Variants in IFT140 observed in about 807,000 individuals in gnomAD.
The protein encoded by IFT140 is intraflagellar transport 140, also known as intraflagellar transport protein 140 homolog.
Under a neutral mutation model 164.6 loss-of-function variants are expected in IFT140, and 133 were observed. That is an observed-to-expected ratio of 0.81 (90% CI 0.70 to 0.93). IFT140 has a LOEUF of 0.93. Ranked by LOEUF, IFT140 falls within the 40% of genes least tolerant of loss-of-function variation. The pLI is 0.00. For missense variants in IFT140, 2,045 were observed against 1,972.3 expected (o/e 1.04, Z -0.70); for synonymous variants, 860 against 817.3 (o/e 1.05, Z -0.89).
chr16:1,513,195 T>C (rs376034264), intron 30 of IFT140: 16 of 152,306 alleles, frequency 1.1e-4, no homozygotes, highest in African/African-American at 3.9e-4. Context: ...AACAGAATTA[T>C]GGTTGAAAAA....
intron 19 of IFT140, among the ~76,000 whole-genome samples, chr16:1,547,634 T>A (rs1316245882): frequency 6.6e-6 from 1 of 152,158 alleles, no homozygotes; most frequent in Non-Finnish European, 1.5e-5. Flanking sequence ...CCTCCCAGGT[T>A]CAAGTGATTC....
At position 1,543,688 on chromosome 16, in the gene IFT140, C is replaced by A. The variant is rs542408314; in HGVS notation, c.2399+14247G>T. Among the ~76,000 whole-genome samples, 14 of 152,336 alleles carry A rather than the reference C, an allele frequency of 9.2e-5. No homozygotes were observed. The South Asian group carries it at 2.9e-3, about 32-fold the overall frequency. Reference sequence around the variant, plus strand: ...AGGGATGTGGGACCTAGGACTGACTCCGCCTCCTCCCCTCCTGCATGACTG... The same window carrying A: ...AGGGATGTGGGACCTAGGACTGACTACGCCTCCTCCCCTCCTGCATGACTG... On this transcript the variant is annotated intron_variant, in intron 19 of 30. Coordinates refer to ENST00000426508, the MANE Select transcript of IFT140 (RefSeq NM_014714.4).
rs557628115 is a variant in IFT140, at chr16:1,526,903, C to T, written c.2400-107G>A. 92 of 1,279,426 alleles carry T rather than the reference C, an allele frequency of 7.2e-5. No individual in the cohort carries two copies. The Admixed American group carries it at 1.3e-3, about 18-fold the overall frequency. The allele number at this position is 1,279,426 out of a possible 1,614,324, so 79.3% of individuals were successfully genotyped here. A position where few individuals can be genotyped will look rare whatever the true frequency, so the allele number is the denominator to read the frequency against. ...GTAGTCATCAGGCACAGCTGCCAAA[C>T]GGGCATGAGGAGGGGCCTTCACCCA... On this transcript the variant is annotated intron_variant, in intron 19 of 30. Transcript: ENST00000426508.
rs1481369531 is a variant in IFT140, at chr16:1,611,989, C to G, written c.-243G>C. ...TAACTGCCTCAGACGTGCTTCCACACTTCTCAGAACTCAGGTTCGCGCCCG... is the reference window on the plus strand; with the variant it reads ...TAACTGCCTCAGACGTGCTTCCACAGTTCTCAGAACTCAGGTTCGCGCCCG... On this transcript the variant is annotated 5_prime_UTR_variant, in exon 1 of 31. Coordinates refer to ENST00000426508, the MANE Select transcript of IFT140 (RefSeq NM_014714.4). 6.6e-6 allele frequency: 1 copy of G among 152,226 alleles called. No homozygotes were observed. Among genetic ancestry groups the G allele is most frequent in the Non-Finnish European group, 1.5e-5 (1 of 68,056 alleles). The allele number at this position is 152,226 out of a possible 1,614,324, so 9.4% of individuals were successfully genotyped here. A position where few individuals can be genotyped will look rare whatever the true frequency, so the allele number is the denominator to read the frequency against.
At chr16:1,595,711 A>G (rs1433544922) in intron 4 of IFT140, among the ~76,000 whole-genome samples, 1 of 152,188 alleles carries the variant, frequency 6.6e-6, no homozygotes, top group Non-Finnish European at 1.5e-5. Context: ...AATAGTGTAT[A>G]TTATCATATG....
intron 19 of IFT140, chr16:1,534,588 G>C: frequency 6.3e-7 from 1 of 1,598,612 alleles, no homozygotes; most frequent in Non-Finnish European, 8.5e-7. Context: ...TGCCTTCAGC[G>C]TGGCCGAGGC....
chr16:1,511,739 G>A (rs959621957), intron 30 of IFT140, among the ~76,000 whole-genome samples: 4 of 152,052 alleles, frequency 2.6e-5, no homozygotes, highest in Admixed American at 1.3e-4. Context: ...TCAAACGAGA[G>A]GCTGAGGGCA....
Position 1,561,996 on chromosome 16 carries a change from A to C in IFT140, c.2188T>G (p.Phe730Val), listed in dbSNP as rs1417488996. 1.6e-5 allele frequency: 25 copies of C among 1,601,634 alleles called. No individual in the cohort carries two copies. The highest frequency in any genetic ancestry group is 2.0e-5 in the Non-Finnish European group (24 of 1,174,946). Residue 730 changes from phenylalanine to valine, a missense_variant, in exon 18 of 31, where the codon TTC becomes GTC. Phe to Val is a conservative substitution (Grantham distance 50, BLOSUM62 -1). Coordinates refer to ENST00000426508, the MANE Select transcript of IFT140 (RefSeq NM_014714.4). ...TCGTGGCTTCGTACCTTTCTTGTGA[A>C]GTAGTAATAAGGCACTTCCATCCCC... ...LLGMEVPYYY[F>V]TRKPEEADRE... is the part of the protein sequence containing the mutation.
rs555330165 is a variant in IFT140, at chr16:1,520,682, G to C, written c.3580C>G (p.Gln1194Glu). ...PEESRRELLE[Q>E]IADCCMRQGS... is the part of the protein sequence containing the mutation. Reference sequence around the variant, plus strand: ...TGGCGCATGCAGCAGTCTGCTATCTGCTCCAGCAGCTCCCGCCGCGACTCC... The same window carrying C: ...TGGCGCATGCAGCAGTCTGCTATCTCCTCCAGCAGCTCCCGCCGCGACTCC... The change falls in exon 27 of 31, where the codon CAG (glutamine) becomes GAG (glutamate). Residue 1194 changes from glutamine to glutamate, a missense_variant. Gln to Glu is a conservative substitution (Grantham distance 29, BLOSUM62 2). Coordinates refer to ENST00000426508, the MANE Select transcript of IFT140 (RefSeq NM_014714.4). 38 of 1,608,276 alleles carry C rather than the reference G, an allele frequency of 2.4e-5. No individual in the cohort carries two copies. In the East Asian group the frequency reaches 8.3e-4, roughly 35 times the overall value.
At chr16:1,576,837 G>C (rs2034304420) in intron 13 of IFT140, 1 of 152,204 alleles carries the variant, frequency 6.6e-6, no homozygotes, top group African/African-American at 2.4e-5. Context: ...GATGCGATCT[G>C]CAATCATAAC....
chr16:1,535,869 C>T (rs1432729907), intron 19 of IFT140, among the ~76,000 whole-genome samples: 4 of 152,244 alleles, frequency 2.6e-5, no homozygotes, highest in Admixed American at 1.3e-4. Context: ...AAGCTTCCAC[C>T]GGCTCTCAGA....
intron 19 of IFT140, among the ~76,000 whole-genome samples, chr16:1,534,817 A>G (rs2141241152): frequency 6.6e-6 from 1 of 151,794 alleles, no homozygotes; most frequent in South Asian, 2.1e-4. Flanking sequence ...ACAGGAATTC[A>G]TCTCAGGCAT....
At chr16:1,595,750 C>T (rs573989043) in intron 4 of IFT140, among the ~76,000 whole-genome samples, 2 of 152,108 alleles carry the variant, frequency 1.3e-5, no homozygotes, top group African/African-American at 4.8e-5. Flanking sequence ...TTGATGAAGA[C>T]AAAAATAAAA....
At chr16:1,559,992 G>A (rs1286570312) in intron 18 of IFT140, among the ~76,000 whole-genome samples, 3 of 152,250 alleles carry the variant, frequency 2.0e-5, no homozygotes, top group Admixed American at 2.0e-4. Flanking sequence ...ATGCATGAGT[G>A]TGTGCAAGAC....
intron 7 of IFT140, among the ~76,000 whole-genome samples, chr16:1,589,030 G>C (rs1217426395): frequency 6.6e-6 from 1 of 152,190 alleles, no homozygotes; most frequent in African/African-American, 2.4e-5. Context: ...CGCAGTCCGT[G>C]GTAGGTTGTT....
intron 16 of IFT140, 120 bp downstream of exon 16, chr16:1,566,041 C>T: frequency 1.2e-6 from 1 of 858,082 alleles, no homozygotes; most frequent in Non-Finnish European, 1.8e-6. Context: ...CTTTCTTTTT[C>T]CTACTGGTGC....
At chr16:1,609,133 C>T (rs938418104) in intron 2 of IFT140, among the ~76,000 whole-genome samples, 18 of 151,648 alleles carry the variant, frequency 1.2e-4, no homozygotes, top group Admixed American at 2.0e-4. Context: ...CCAGTCTGGG[C>T]GACAGAGCAA....
rs1387119490 is a variant in IFT140 at position 1,607,114 on chromosome 16, A to G, written c.147+6T>C. ...ACAGTCAGGCTCCTTGCTTCTGAGC[A>G]CTCACTTGCTCCAGGTAAATATCCA... On this transcript the variant is annotated splice_donor_region_variant and intron_variant, in intron 3 of 30. Transcript: ENST00000426508. 1.1e-5 allele frequency: 18 copies of G among 1,613,536 alleles called. No homozygotes were observed. Among genetic ancestry groups the G allele is most frequent in the Non-Finnish European group, 1.5e-5 (18 of 1,179,758 alleles).
chr16:1,607,924 C>A (rs1205204417), intron 2 of IFT140, among the ~76,000 whole-genome samples: 2 of 152,164 alleles, frequency 1.3e-5, no homozygotes, highest in Non-Finnish European at 2.9e-5. Context: ...GGATTACAGC[C>A]GTGGGCCACC....
Sources: allele counts gnomAD v4.1 joint callset (sites outside exome capture counted in the v4.1 genomes callset), GRCh38; gene constraint gnomAD v4.1.1; transcripts MANE v1.5; gene names NCBI Gene and HGNC (gene_info 2026-07-23, HGNC 2026-07-21).